Variants in PLEKHO1 observed in about 807,000 individuals in gnomAD.
PLEKHO1 encodes the protein pleckstrin homology domain containing O1, also known as pleckstrin homology domain-containing family O member 1.
PLEKHO1 carries 22 observed loss-of-function variants against 41.4 expected under a neutral mutation model. The ratio of observed to expected loss-of-function variants is 0.53; its 90% CI spans 0.38 to 0.76. The LOEUF (loss-of-function observed/expected upper bound fraction) is 0.76, where lower values mean the gene tolerates loss of function less well. Ranked by LOEUF, PLEKHO1 falls within the 30% of genes least tolerant of loss-of-function variation. The pLI is 0.00. For missense variants in PLEKHO1, 488 were observed against 518.3 expected (o/e 0.94, Z 0.57); for synonymous variants, 225 against 210.8 (o/e 1.07, Z -0.58).
At chr1:150,152,539 G>A (rs1185600727) in intron 2 of PLEKHO1, among the ~76,000 whole-genome samples, 1 of 151,936 alleles carries the variant, frequency 6.6e-6, no homozygotes, top group Non-Finnish European at 1.5e-5. Context: ...CTGGCCTCAA[G>A]TGAACCACCC....
At chr1:150,149,666 G>A (rs1265097544), upstream of PLEKHO1, 1 of 152,470 alleles carries the variant, frequency 6.6e-6, no homozygotes, top group East Asian at 1.9e-4. Flanking sequence ...ACTGGGCCCC[G>A]GGGCGGCCGG....
chr1:150,150,079 G>A lies in PLEKHO1; in HGVS notation c.-179G>A, dbSNP rs76541931. The A allele has an allele frequency of 6.7e-4, 112 of 166,592 alleles. No homozygotes were observed. In the East Asian group the frequency reaches 0.02, roughly 30 times the overall value. 10.3% of individuals were successfully genotyped at this position (166,592 alleles called of 1,614,324 possible). On this transcript the variant is annotated 5_prime_UTR_variant, in exon 1 of 6. Transcript: ENST00000369124. ...TGCGAATGCGAGGGAGGCCGGCCTTGAGTGAAACCGGAGCTACAAAGAAGG... is the reference window on the plus strand; with the variant it reads ...TGCGAATGCGAGGGAGGCCGGCCTTAAGTGAAACCGGAGCTACAAAGAAGG...
chr1:150,149,987 C>T lies in PLEKHO1; in HGVS notation c.-271C>T, dbSNP rs587762656. On this transcript the variant is annotated 5_prime_UTR_variant, in exon 1 of 6. Transcript: ENST00000369124. Reference sequence around the variant, plus strand: ...GGTGGCGGGGGTGCGCTCGGGGACCCGGGCCGCGTGGGCGCCGGGATGGAG... The same window carrying T: ...GGTGGCGGGGGTGCGCTCGGGGACCTGGGCCGCGTGGGCGCCGGGATGGAG... 2.0e-4 allele frequency: 31 copies of T among 152,268 alleles called. No homozygotes were observed. Among genetic ancestry groups the T allele is most frequent in the Non-Finnish European group, 3.2e-4 (22 of 68,988 alleles). The allele number at this position is 152,268 out of a possible 1,614,324, so 9.4% of individuals were successfully genotyped here.
intron 5 of PLEKHO1, among the ~76,000 whole-genome samples, chr1:150,157,992 G>A (rs187458656): frequency 6.6e-6 from 1 of 152,344 alleles, no homozygotes; most frequent in East Asian, 1.9e-4. Flanking sequence ...CCCTGAAGTT[G>A]CATGTCTCCA....
chr1:150,150,756 C>T (rs953198717), intron 1 of PLEKHO1, 156 bp from the exon 2 acceptor site: 4 of 631,554 alleles, frequency 6.3e-6, no homozygotes, highest in Non-Finnish European at 1.1e-5. Flanking sequence ...GAGTGAAAAC[C>T]TTTCCGAAGT....
intron 5 of PLEKHO1, among the ~76,000 whole-genome samples, 190 bp downstream of exon 5, chr1:150,157,676 G>A (rs1660232347): frequency 6.6e-6 from 1 of 152,212 alleles, no homozygotes; most frequent in Non-Finnish European, 1.5e-5. Flanking sequence ...CCCATTAGGA[G>A]TTCAAAAGTC....
intron 2 of PLEKHO1, chr1:150,155,543 A>T (rs1404613873): frequency 1.3e-5 from 2 of 152,378 alleles, no homozygotes; most frequent in African/African-American, 4.8e-5. Flanking sequence ...GAAGGAAGCG[A>T]GGTGGGGTGG....
At chr1:150,157,513 C>A in intron 5 of PLEKHO1, 27 bp downstream of exon 5, 2 of 1,467,774 alleles carry the variant, frequency 1.4e-6, no homozygotes, top group Non-Finnish European at 1.9e-6. Context: ...TAAACATTGC[C>A]AAAGGGCCAA....
In PLEKHO1 at chr1:150,150,213, G is replaced by C; in HGVS notation, c.-45G>C. ...CGCGGTGCCGCCGAGGCCCCGACGC[G>C]GGGCCGCCCCTCGGCTCGCCGCCCC... On this transcript the variant is annotated 5_prime_UTR_variant, in exon 1 of 6. Transcript: ENST00000369124. 2 of 1,007,924 alleles carry C rather than the reference G, an allele frequency of 2.0e-6. No homozygotes were observed. Among genetic ancestry groups the C allele is most frequent in the Non-Finnish European group, 2.4e-6 (2 of 841,268 alleles). The allele number at this position is 1,007,924 out of a possible 1,614,324, so 62.4% of individuals were successfully genotyped here. A position where few individuals can be genotyped will look rare whatever the true frequency, so the allele number is the denominator to read the frequency against.
rs1553821401 is a variant in PLEKHO1, at chr1:150,159,160, G to A, written c.867G>A (p.Leu289=). ...RDAASARTLQ[L]RAEEPPTPAL... ...CTGCCTCTGCCCGCACCCTCCAGCT[G>A]CGGGCTGAGGAACCCCCAACCCCTG... Residue 289 remains leucine (L), a synonymous_variant, in exon 6 of 6, where the codon CTG becomes CTA. Coordinates refer to ENST00000369124, the MANE Select transcript of PLEKHO1 (RefSeq NM_016274.6). The A allele has an allele frequency of 6.2e-7, 1 of 1,611,344 alleles. No homozygotes were observed. The highest frequency in any genetic ancestry group is 2.2e-5 in the East Asian group (1 of 44,862).
At position 150,156,121 on chromosome 1, in the gene PLEKHO1, G is replaced by C. The variant is rs1553820358; in HGVS notation, c.233G>C (p.Cys78Ser). Residue 78 changes from cysteine to serine, a missense_variant, in exon 3 of 6, where the codon TGT becomes TCT. Physicochemically the swap from Cys to Ser is moderately radical, Grantham distance 112 (BLOSUM62 -1). Coordinates refer to ENST00000369124, the MANE Select transcript of PLEKHO1 (RefSeq NM_016274.6). ...TTTGACCTGAGTGACTATGAGAAGT[G>C]TGAAGAGCTCCGGAAGTCCAAGAGC... ...EVFDLSDYEK[C>S]EELRKSKSRS... The C allele has an allele frequency of 1.2e-6, 2 of 1,613,520 alleles. No homozygotes were observed. The highest frequency in any genetic ancestry group is 3.3e-5 in the Admixed American group (2 of 60,014).
rs140930419 is a variant in PLEKHO1 at position 150,152,609 on chromosome 1, G to A, written c.177+1551G>A. ...TGAGCCAACCGTGCCTGGCCAGGAG[G>A]ATTTATTTTTAAGAGTTACCTCTGC... On this transcript the variant is annotated intron_variant, in intron 2 of 5. Coordinates refer to ENST00000369124, the MANE Select transcript of PLEKHO1 (RefSeq NM_016274.6). Among the ~76,000 whole-genome samples the A allele has an allele frequency of 9.9e-3, 1,356 of 136,892 alleles. 12 individuals are homozygous for A. The highest frequency in any genetic ancestry group is 0.025 in the South Asian group (101 of 4,050). 89.8% of individuals were successfully genotyped at this position (136,892 alleles called of 152,430 possible). A position where few individuals can be genotyped will look rare whatever the true frequency, so the allele number is the denominator to read the frequency against.
chr1:150,155,988 A>C, intron 2 of PLEKHO1, 78 bp from the exon 3 acceptor site: 1 of 1,372,208 alleles, frequency 7.3e-7, no homozygotes, highest in Non-Finnish European at 1.0e-6. Flanking sequence ...TCTGTTTCCC[A>C]AGATGATCTA....
rs1660351628 is a variant in PLEKHO1 at position 150,159,617 on chromosome 1, A to G, written c.*94A>G. The G allele has an allele frequency of 1.1e-6, 1 of 875,104 alleles. No homozygotes were observed. The allele number at this position is 875,104 out of a possible 1,614,324, so 54.2% of individuals were successfully genotyped here. A position where few individuals can be genotyped will look rare whatever the true frequency, so the allele number is the denominator to read the frequency against. On this transcript the variant is annotated 3_prime_UTR_variant, in exon 6 of 6. Transcript: ENST00000369124. Reference sequence around the variant, plus strand: ...TTTTATTTACCTCAATCAAAAAAAGAAAACAAAAATGAACTCATTGCTCTT... The same window carrying G: ...TTTTATTTACCTCAATCAAAAAAAGGAAACAAAAATGAACTCATTGCTCTT...
At position 150,157,073 on chromosome 1, in the gene PLEKHO1, A is replaced by G. The variant is rs10749675; in HGVS notation, c.423+58A>G. 4.3e-3 allele frequency: 4,696 copies of G among 1,104,586 alleles called. 143 individuals carry two copies. The African/African-American group carries it at 0.064, about 15-fold the overall frequency. The allele number at this position is 1,104,586 out of a possible 1,614,324, so 68.4% of individuals were successfully genotyped here. A position where few individuals can be genotyped will look rare whatever the true frequency, so the allele number is the denominator to read the frequency against. ...CGCTGGGGCAGAGGGAACAGCTGTG[A>G]CCCACTGAAGGGGGAGGATTGTGCA... On this transcript the variant is annotated intron_variant, in intron 4 of 5. Coordinates refer to ENST00000369124, the MANE Select transcript of PLEKHO1 (RefSeq NM_016274.6).
chr1:150,159,477 TCAGA>T lies in PLEKHO1; in HGVS notation c.1190_1193del (p.Gln397ProfsTer11). 1.9e-6 allele frequency: 3 copies of T among 1,613,602 alleles called. No homozygotes were observed. Among genetic ancestry groups the T allele is most frequent in the East Asian group, 2.2e-5 (1 of 44,874 alleles). ...GACCTGCAGACCCCGGACTCCCACC[TCAGA>T]CAGACCACCCCGCACAGTCAGTACC... On this transcript the variant is annotated frameshift_variant, in exon 6 of 6. Coordinates refer to ENST00000369124, the MANE Select transcript of PLEKHO1 (RefSeq NM_016274.6). LOFTEE classifies it high-confidence loss of function.
chr1:150,157,137 T>G, intron 4 of PLEKHO1, 122 bp downstream of exon 4: 1 of 728,288 alleles, frequency 1.4e-6, no homozygotes, highest in Admixed American at 2.1e-5. Flanking sequence ...TCTACTTCTT[T>G]ACCACCCTTT....
chr1:150,158,140 G>A (rs1203464719), intron 5 of PLEKHO1, among the ~76,000 whole-genome samples: 3 of 152,144 alleles, frequency 2.0e-5, no homozygotes, highest in African/African-American at 7.2e-5. Context: ...TAAGGCAAGG[G>A]GGCTGAAGTG....
intron 2 of PLEKHO1, 21 bp downstream of exon 2, chr1:150,151,079 ACT>A: frequency 6.2e-7 from 1 of 1,612,074 alleles, no homozygotes; most frequent in Non-Finnish European, 8.5e-7. Flanking sequence ...CTTGCCTCTA[ACT>A]CTCCGTTTTC....
Sources: allele counts gnomAD v4.1 joint callset (sites outside exome capture counted in the v4.1 genomes callset), GRCh38; gene constraint gnomAD v4.1.1; transcripts MANE v1.5; gene names NCBI Gene and HGNC (gene_info 2026-07-23, HGNC 2026-07-21).